The following GDF6 variants were observed in gnomAD, a reference collection of about 807,000 sequenced individuals.
The protein encoded by GDF6 is growth/differentiation factor 6.
Under a neutral mutation model 32.4 loss-of-function variants are expected in GDF6, and 3 were observed. The ratio of observed to expected loss-of-function variants is 0.09; its 90% CI spans 0.04 to 0.24. The LOEUF is 0.24. Ranked by LOEUF, GDF6 falls within the 10% of genes least tolerant of loss-of-function variation. The pLI is 1.00. For missense variants in GDF6, 589 were observed against 637.9 expected (o/e 0.92, Z 0.83); for synonymous variants, 296 against 295.3 (o/e 1.00, Z -0.03).
chr8:96,145,748 G>T lies in GDF6; in HGVS notation c.407-224C>A, dbSNP rs1812475488. On this transcript the variant is annotated intron_variant, in intron 1 of 1. Transcript: ENST00000287020. The surrounding 1 kb of genome is among the most constrained non-coding windows in gnomAD (Gnocchi z 5.6). The stretch of plus-strand genomic sequence containing the variant: ...GGCCCCCTCCTTCGCGTCAGCTCCG[G>T]ACTCTCAGGGCGGAAGTCGGTGGCT... Among the ~76,000 whole-genome samples, 1 of 152,152 alleles carries T rather than the reference G, an allele frequency of 6.6e-6. No individual in the cohort carries two copies. Among genetic ancestry groups the T allele is most frequent in the African/African-American group, 2.4e-5 (1 of 41,450 alleles).
chr8:96,149,616 A>G (rs1812535150), intron 1 of GDF6, among the ~76,000 whole-genome samples: 2 of 152,238 alleles, frequency 1.3e-5, no homozygotes, highest in South Asian at 4.1e-4. Flanking sequence ...GTCAAAGGGT[A>G]CAAATTTTCA....
chr8:96,147,945 T>A (rs1304380721), intron 1 of GDF6, among the ~76,000 whole-genome samples: 1 of 152,190 alleles, frequency 6.6e-6, no homozygotes, highest in East Asian at 1.9e-4. Context: ...GAATTATGAT[T>A]TACTTCTCTC....
chr8:96,158,110 C>T (rs752033703), intron 1 of GDF6, among the ~76,000 whole-genome samples: 1 of 152,200 alleles, frequency 6.6e-6, no homozygotes, highest in Non-Finnish European at 1.5e-5. Flanking sequence ...AAGATGCTGT[C>T]CGGGTGGTCA....
Position 96,145,816 on chromosome 8 carries a change from A to G in GDF6, c.407-292T>C, listed in dbSNP as rs1812476834. On this transcript the variant is annotated intron_variant, in intron 1 of 1. Coordinates refer to ENST00000287020, the MANE Select transcript of GDF6 (RefSeq NM_001001557.4). The surrounding 1 kb of genome is among the most constrained non-coding windows in gnomAD (Gnocchi z 5.6). ...GGCGGCCTACCGGGTTTTCCCCCCA[A>G]AAGGCTTCGTAACCACTAATGTGCC... is the stretch of plus-strand genomic sequence containing the variant. Among the ~76,000 whole-genome samples, 1 of 152,156 alleles carries G rather than the reference A, an allele frequency of 6.6e-6. No individual in the cohort carries two copies. The highest frequency in any genetic ancestry group is 2.4e-5 in the African/African-American group (1 of 41,454).
At position 96,145,157 on chromosome 8, in the gene GDF6, C is replaced by A. The variant is rs769581547; in HGVS notation, c.774G>T (p.Pro258=). The A allele has an allele frequency of 6.6e-6, 10 of 1,504,656 alleles. No homozygotes were observed. In the East Asian group the frequency reaches 2.4e-4, roughly 36 times the overall value. The allele number at this position is 1,504,656 out of a possible 1,614,324, so 93.2% of individuals were successfully genotyped here. ...GGCCGAAGCCCAGACTCCGCAGGTC[C>A]GGGGGCGGCGGTTGCTGGGGTCCCC... is the stretch of plus-strand genomic sequence containing the variant. The part of the protein sequence containing the change: ...RARGPQQPPP[P]DLRSLGFGRR... The change falls in exon 2 of 2, where the codon CCG becomes CCT. Residue 258 remains proline (P), a synonymous_variant. Transcript: ENST00000287020. This position sits in a 1 kb window ranked among gnomAD's most constrained non-coding sequence, Gnocchi z 5.6.
rs1479816261 is a variant in GDF6 at position 96,144,842 on chromosome 8, G to T, written c.1089C>A (p.Phe363Leu). 3 of 1,613,962 alleles carry T rather than the reference G, an allele frequency of 1.9e-6. No homozygotes were observed. Among genetic ancestry groups the T allele is most frequent in the Non-Finnish European group, 2.5e-6 (3 of 1,180,006 alleles). ...RCSKKPLHVN[F>L]KELGWDDWII... The stretch of plus-strand genomic sequence containing the variant: ...TCCAGTCGTCCCAGCCCAGCTCCTT[G>T]AAGTTCACGTGCAGGGGCTTCTTGC... Residue 363 changes from phenylalanine to leucine, a missense_variant, in exon 2 of 2, where the codon TTC becomes TTA. Coordinates refer to ENST00000287020, the MANE Select transcript of GDF6 (RefSeq NM_001001557.4). This position sits in a 1 kb window ranked among gnomAD's most constrained non-coding sequence, Gnocchi z 5.1.
Position 96,145,100 on chromosome 8 carries a change from C to T in GDF6, c.831G>A (p.Leu277=). 6.6e-7 allele frequency: 1 copy of T among 1,522,322 alleles called. No homozygotes were observed. Among genetic ancestry groups the T allele is most frequent in the Non-Finnish European group, 8.7e-7 (1 of 1,144,004 alleles). The allele number at this position is 1,522,322 out of a possible 1,614,324, so 94.3% of individuals were successfully genotyped here. The change falls in exon 2 of 2, where the codon CTG becomes CTA. Residue 277 remains leucine, a synonymous_variant. Coordinates refer to ENST00000287020, the MANE Select transcript of GDF6 (RefSeq NM_001001557.4). The surrounding 1 kb of genome is among the most constrained non-coding windows in gnomAD (Gnocchi z 5.6). Reference sequence around the variant, plus strand: ...GCTGGGATCTGGTGAATACCACCAGCAGGGCCCGCTCCTGGGGAGGCCGCA... The same window carrying T: ...GCTGGGATCTGGTGAATACCACCAGTAGGGCCCGCTCCTGGGGAGGCCGCA... The part of the protein sequence containing the change: ...RRVRPPQERA[L]LVVFTRSQRK...
intron 1 of GDF6, among the ~76,000 whole-genome samples, chr8:96,157,950 C>A (rs564248731): frequency 2.0e-5 from 3 of 152,274 alleles, no homozygotes; most frequent in African/African-American, 7.2e-5. Flanking sequence ...CAGCAACGCA[C>A]CCCCTCCTCT....
rs978501950 is a variant in GDF6, at chr8:96,160,770, C to A, written c.-78G>T. ...CGCGGGGCACGGAGCGGCTGGACAG[C>A]GGCCGGGGCCCGGCTCCTCGGGCGG... On this transcript the variant is annotated 5_prime_UTR_variant, in exon 1 of 2. Transcript: ENST00000287020. The A allele has an allele frequency of 4.1e-6, 6 of 1,454,768 alleles. No individual in the cohort carries two copies. The East Asian group carries it at 1.5e-4, about 35-fold the overall frequency. The allele number at this position is 1,454,768 out of a possible 1,614,324, so 90.1% of individuals were successfully genotyped here. A position where few individuals can be genotyped will look rare whatever the true frequency, so the allele number is the denominator to read the frequency against.
intron 1 of GDF6, among the ~76,000 whole-genome samples, chr8:96,155,600 G>T (rs1812647743): frequency 6.6e-6 from 1 of 152,178 alleles, no homozygotes; most frequent in Non-Finnish European, 1.5e-5. Flanking sequence ...ACCCTCATAC[G>T]CACACACTTG....
chr8:96,150,925 T>G (rs1812558275), intron 1 of GDF6, among the ~76,000 whole-genome samples: 1 of 152,164 alleles, frequency 6.6e-6, no homozygotes, highest in African/African-American at 2.4e-5. Flanking sequence ...CAACTAAGTC[T>G]CTCACCTTCC....
intron 1 of GDF6, among the ~76,000 whole-genome samples, chr8:96,157,706 A>G (rs1461016557): frequency 2.6e-5 from 4 of 152,176 alleles, no homozygotes; most frequent in Admixed American, 2.0e-4. Context: ...AGTCCTTGCC[A>G]GGAGCCGGGG....
intron 1 of GDF6, among the ~76,000 whole-genome samples, chr8:96,152,437 C>T (rs371224326): frequency 2.0e-5 from 3 of 152,202 alleles, no homozygotes; most frequent in South Asian, 2.1e-4. Context: ...CCTAAGGATT[C>T]GTTTCTTTCC....
At chr8:96,148,424 C>A (rs1812517858) in intron 1 of GDF6, among the ~76,000 whole-genome samples, 1 of 152,224 alleles carries the variant, frequency 6.6e-6, no homozygotes, top group African/African-American at 2.4e-5. Context: ...GGAGCTTGGT[C>A]TGGAATAGTG....
chr8:96,156,461 C>T (rs550170126), intron 1 of GDF6, among the ~76,000 whole-genome samples: 1 of 151,946 alleles, frequency 6.6e-6, no homozygotes, highest in East Asian at 1.9e-4. Flanking sequence ...CTCTATCTCT[C>T]AGCCCTGCTA....
At chr8:96,153,680 AGAAG>A (rs1812608668) in intron 1 of GDF6, among the ~76,000 whole-genome samples, 1 of 152,202 alleles carries the variant, frequency 6.6e-6, no homozygotes, top group South Asian at 2.1e-4. Context: ...GATCAAAAGT[AGAAG>A]GAAGGGTGTT....
intron 1 of GDF6, among the ~76,000 whole-genome samples, chr8:96,153,618 C>T (rs1284573784): frequency 2.6e-5 from 4 of 152,208 alleles, no homozygotes; most frequent in Non-Finnish European, 5.9e-5. Flanking sequence ...GAGGAATCCT[C>T]AAACTGCCAT....
At position 96,144,410 on chromosome 8, in the gene GDF6, T is replaced by C; in HGVS notation, c.*153A>G. ...AGTTACTGGGAAGGCTGCGCTCCCT[T>C]CTCTCCCACCGGCTCTCACATCCAG... is the stretch of plus-strand genomic sequence containing the variant. On this transcript the variant is annotated 3_prime_UTR_variant, in exon 2 of 2. Coordinates refer to ENST00000287020, the MANE Select transcript of GDF6 (RefSeq NM_001001557.4). The surrounding 1 kb of genome is among the most constrained non-coding windows in gnomAD (Gnocchi z 5.1). 2.3e-6 allele frequency: 2 copies of C among 872,048 alleles called. No individual in the cohort carries two copies. Among genetic ancestry groups the C allele is most frequent in the South Asian group, 3.5e-5 (2 of 57,570 alleles). The allele number at this position is 872,048 out of a possible 1,614,324, so 54.0% of individuals were successfully genotyped here.
rs769886732 is a variant in GDF6 at position 96,144,663 on chromosome 8, G to C, written c.1268C>G (p.Thr423Ser). 6.2e-7 allele frequency: 1 copy of C among 1,614,134 alleles called. No homozygotes were observed. Among genetic ancestry groups the C allele is most frequent in the Non-Finnish European group, 8.5e-7 (1 of 1,180,018 alleles). Residue 423 changes from threonine to serine, a missense_variant, in exon 2 of 2, where the codon ACC (threonine) becomes AGC (serine). This residue lies in a region of GDF6 where 153 missense variants were observed against 226.7 expected (regional missense o/e 0.67). Coordinates refer to ENST00000287020, the MANE Select transcript of GDF6 (RefSeq NM_001001557.4). The surrounding 1 kb of genome is among the most constrained non-coding windows in gnomAD (Gnocchi z 5.1). ...TAGAATGCTGATGGGAGTCAATTTG[G>C]TGGGCACGCAGCAGCTGGGCGGGGT... The part of the protein sequence containing the change: ...GSTPPSCCVP[T>S]KLTPISILYI...
Sources: allele counts gnomAD v4.1 joint callset (sites outside exome capture counted in the v4.1 genomes callset), GRCh38; gene constraint gnomAD v4.1.1; regional missense constraint gnomAD v4.1.1; non-coding constraint Gnocchi (gnomAD v3.1); transcripts MANE v1.5; gene names NCBI Gene and HGNC (gene_info 2026-07-23, HGNC 2026-07-21).